The following ZNF652 variants were observed in gnomAD, a reference collection of about 807,000 sequenced individuals.
ZNF652 encodes the protein zinc finger protein 652.
A neutral mutation model predicts 45.2 loss-of-function variants in ZNF652; 16 were observed. That is an observed-to-expected ratio of 0.35 (90% CI 0.24 to 0.54). ZNF652 has a LOEUF of 0.54. Ranked by LOEUF, ZNF652 falls within the 20% of genes least tolerant of loss-of-function variation. The pLI, the probability that ZNF652 is intolerant of heterozygous loss-of-function variation, is 0.91. For synonymous variants in ZNF652, 250 were observed against 260.6 expected, an observed-to-expected ratio of 0.96 and a Z score of 0.39; for missense variants, 614 against 765.6, an observed-to-expected ratio of 0.80 and a Z score of 2.34.
chr17:49,302,060 T>A (rs531326189), intron 5 of ZNF652, among the ~76,000 whole-genome samples: 25 of 152,160 alleles, frequency 1.6e-4, no homozygotes, highest in African/African-American at 5.8e-4. Context: ...GAGACCAGCC[T>A]GGGCAACATG....
At chr17:49,307,675 A>G (rs1019333001) in intron 5 of ZNF652, among the ~76,000 whole-genome samples, 5 of 150,736 alleles carry the variant, frequency 3.3e-5, no homozygotes, top group African/African-American at 1.2e-4. Context: ...TCGCTTGAAC[A>G]TGGGAGGCAG....
At chr17:49,322,812 G>A (rs979419859) in intron 1 of ZNF652, among the ~76,000 whole-genome samples, 2 of 152,218 alleles carry the variant, frequency 1.3e-5, no homozygotes, top group Non-Finnish European at 2.9e-5. Flanking sequence ...GTGAACCTGG[G>A]AGGCGGAGTT....
chr17:49,289,486 G>C lies in ZNF652; in HGVS notation c.*8927C>G, dbSNP rs929790402. 1 of 152,192 alleles carries C rather than the reference G, an allele frequency of 6.6e-6. No homozygotes were observed. The highest frequency in any genetic ancestry group is 2.4e-5 in the African/African-American group (1 of 41,440). 9.4% of individuals were successfully genotyped at this position (152,192 alleles called of 1,614,324 possible). A position where few individuals can be genotyped will look rare whatever the true frequency, so the allele number is the denominator to read the frequency against. ...ATAATATCGGTATAGTTAACACAAG[G>C]GGGAAATCAGTACATTGAGGGATCT... On this transcript the variant is annotated 3_prime_UTR_variant, in exon 6 of 6. Coordinates refer to ENST00000430262, the MANE Select transcript of ZNF652 (RefSeq NM_001145365.3).
intron 1 of ZNF652, among the ~76,000 whole-genome samples, chr17:49,319,627 C>T (rs903270764): frequency 8.3e-6 from 1 of 120,506 alleles, no homozygotes; most frequent in African/African-American, 3.2e-5. Flanking sequence ...GCTAGCTAGA[C>T]TCTGTCTCAA....
In ZNF652 at chr17:49,296,235, A is replaced by C. The variant is rs1353318446; in HGVS notation, c.*2178T>G. ...CAAATATTAAAAATACCATTCTTTA[A>C]AACTTACATCCAAAACCAGGAAGTA... is the stretch of plus-strand genomic sequence containing the variant. On this transcript the variant is annotated 3_prime_UTR_variant, in exon 6 of 6. Transcript: ENST00000430262. The C allele has an allele frequency of 1.3e-5, 2 of 152,604 alleles. No individual in the cohort carries two copies. The highest frequency in any genetic ancestry group is 2.4e-5 in the African/African-American group (1 of 41,444). The allele number at this position is 152,604 out of a possible 1,614,324, so 9.5% of individuals were successfully genotyped here.
At chr17:49,338,145 ATT>A (rs772870388) in intron 1 of ZNF652, among the ~76,000 whole-genome samples, 29 of 142,384 alleles carry the variant, frequency 2.0e-4, no homozygotes, top group Non-Finnish European at 2.0e-4. Flanking sequence ...TGCCTGGCTA[ATT>A]TTTTTTTTTT....
At position 49,298,433 on chromosome 17, in the gene ZNF652, T is replaced by C. The variant is rs369474213; in HGVS notation, c.1801A>G (p.Ser601Gly). 2.5e-6 allele frequency: 4 copies of C among 1,612,822 alleles called. No homozygotes were observed. The highest frequency in any genetic ancestry group is 3.4e-6 in the Non-Finnish European group (4 of 1,180,034). The change falls in exon 6 of 6, where the codon AGT becomes GGT. Residue 601 changes from serine (S) to glycine (G), a missense_variant. Ser to Gly is a moderately conservative substitution (Grantham distance 56). This residue lies in a region of ZNF652 where 132 missense variants were observed against 137.2 expected (regional missense o/e 0.96). Coordinates refer to ENST00000430262, the MANE Select transcript of ZNF652 (RefSeq NM_001145365.3). ...GGATGTTAATGATGCTGTGCTGAAC[T>C]GTTCTTCTCTGCCAGGTGCCGCAGA... ...NFLRHLAEKN[S>G]SAQHH
In ZNF652 at chr17:49,298,278, G is replaced by A; in HGVS notation, c.*135C>T. On this transcript the variant is annotated 3_prime_UTR_variant, in exon 6 of 6. Coordinates refer to ENST00000430262, the MANE Select transcript of ZNF652 (RefSeq NM_001145365.3). ...TCTTGTTCATTCCCTTGGATCTGTT[G>A]ATTCAGTGACACTGGCGAAGCTCTT... 3 of 1,093,300 alleles carry A rather than the reference G, an allele frequency of 2.7e-6. No individual in the cohort carries two copies. In the East Asian group the frequency reaches 7.7e-5, roughly 28 times the overall value. 67.7% of individuals were successfully genotyped at this position (1,093,300 alleles called of 1,614,324 possible). A position where few individuals can be genotyped will look rare whatever the true frequency, so the allele number is the denominator to read the frequency against.
rs754756720 is a variant in ZNF652, at chr17:49,304,222, A to G, written c.1310-5298T>C. On this transcript the variant is annotated intron_variant, in intron 5 of 5. Coordinates refer to ENST00000430262, the MANE Select transcript of ZNF652 (RefSeq NM_001145365.3). ...GCCCTCATTTGTAGTCTTCTATACT[A>G]TAAGTGATTTGCCACAGAAAGACCA... 2.0e-5 allele frequency among the ~76,000 whole-genome samples: 3 copies of G among 152,094 alleles called. No individual in the cohort carries two copies. In the East Asian group the frequency reaches 5.8e-4, roughly 29 times the overall value.
In ZNF652 at chr17:49,297,787, A is replaced by C. The variant is rs763531223; in HGVS notation, c.*626T>G. The C allele has an allele frequency of 6.5e-6, 1 of 152,718 alleles. No individual in the cohort carries two copies. 9.5% of individuals were successfully genotyped at this position (152,718 alleles called of 1,614,324 possible). On this transcript the variant is annotated 3_prime_UTR_variant, in exon 6 of 6. Coordinates refer to ENST00000430262, the MANE Select transcript of ZNF652 (RefSeq NM_001145365.3). ...CTGAAAAAATTACACTGCTTATTGA[A>C]ATACATTTCATTTTAGAAACAGACT... is the stretch of plus-strand genomic sequence containing the variant.
chr17:49,324,036 T>G (rs1452869067), intron 1 of ZNF652, among the ~76,000 whole-genome samples: 2 of 152,220 alleles, frequency 1.3e-5, no homozygotes, highest in Admixed American at 1.3e-4. Flanking sequence ...GGCATTCACT[T>G]CTGTCAATGA....
rs112399704 is a variant in ZNF652 at position 49,304,451 on chromosome 17, T to C, written c.1310-5527A>G. On this transcript the variant is annotated intron_variant, in intron 5 of 5. Coordinates refer to ENST00000430262, the MANE Select transcript of ZNF652 (RefSeq NM_001145365.3). ...TCCTAAATGTGTTTAATGGTTGATA[T>C]TAAGGTTTCTCTGAAACCTCAAGTT... Among the ~76,000 whole-genome samples, 33 of 152,264 alleles carry C rather than the reference T, an allele frequency of 2.2e-4. No homozygotes were observed. The East Asian group carries it at 3.9e-3, about 18-fold the overall frequency.
intron 1 of ZNF652, among the ~76,000 whole-genome samples, chr17:49,353,357 G>C (rs950449395): frequency 6.6e-6 from 1 of 152,050 alleles, no homozygotes; most frequent in Non-Finnish European, 1.5e-5. Context: ...TTTTTGTAGA[G>C]AGAGGTCTGA....
chr17:49,346,156 GA>G (rs1269125878), intron 1 of ZNF652, among the ~76,000 whole-genome samples: 1 of 152,168 alleles, frequency 6.6e-6, no homozygotes, highest in Non-Finnish European at 1.5e-5. Flanking sequence ...AGTTTACTGG[GA>G]AAAGTCCTAG....
Position 49,297,509 on chromosome 17 carries a change from G to C in ZNF652, c.*904C>G, listed in dbSNP as rs1272546366. On this transcript the variant is annotated 3_prime_UTR_variant, in exon 6 of 6. Transcript: ENST00000430262. ...GAACATGGAGGACAGGAGCACATTAGGGAGCCTCTCTTGAGTGTTAAGCAG... is the reference window on the plus strand; with the variant it reads ...GAACATGGAGGACAGGAGCACATTACGGAGCCTCTCTTGAGTGTTAAGCAG... 1 of 152,460 alleles carries C rather than the reference G, an allele frequency of 6.6e-6. No homozygotes were observed. Among genetic ancestry groups the C allele is most frequent in the Non-Finnish European group, 1.5e-5 (1 of 68,038 alleles). 9.4% of individuals were successfully genotyped at this position (152,460 alleles called of 1,614,324 possible). A position where few individuals can be genotyped will look rare whatever the true frequency, so the allele number is the denominator to read the frequency against.
At chr17:49,323,568 A>G (rs1000968584) in intron 1 of ZNF652, among the ~76,000 whole-genome samples, 1 of 152,198 alleles carries the variant, frequency 6.6e-6, no homozygotes, top group Admixed American at 6.5e-5. Context: ...CTTTGCCCAG[A>G]CCCATCAGAG....
In ZNF652 at chr17:49,308,993, AAAG is replaced by A. The variant is rs1475145078; in HGVS notation, c.1309+2316_1309+2318del. 2.6e-5 allele frequency among the ~76,000 whole-genome samples: 4 copies of A among 152,138 alleles called. No individual in the cohort carries two copies. In the South Asian group the frequency reaches 8.3e-4, roughly 32 times the overall value. ...ACATTTAAGGGTCTAAAAAAATGACAAAGAAGAAGAAACAAAGAAATACAAGAG... is the reference window on the plus strand; with the variant it reads ...ACATTTAAGGGTCTAAAAAAATGACAAAGAAGAAACAAAGAAATACAAGAG... On this transcript the variant is annotated intron_variant, in intron 5 of 5. Coordinates refer to ENST00000430262, the MANE Select transcript of ZNF652 (RefSeq NM_001145365.3).
In ZNF652 at chr17:49,334,933, G is replaced by T. The variant is rs189540850; in HGVS notation, c.-258-16950C>A. ...CAGCCAGAATAAGCAAATAGAGACAGAAAGTAAATCGTCATTAACAGGAGC... is the reference window on the plus strand; with the variant it reads ...CAGCCAGAATAAGCAAATAGAGACATAAAGTAAATCGTCATTAACAGGAGC... On this transcript the variant is annotated intron_variant, in intron 1 of 5. Coordinates refer to ENST00000430262, the MANE Select transcript of ZNF652 (RefSeq NM_001145365.3). Among the ~76,000 whole-genome samples, 7 of 152,234 alleles carry T rather than the reference G, an allele frequency of 4.6e-5. No homozygotes were observed. The East Asian group carries it at 1.2e-3, about 25-fold the overall frequency.
intron 1 of ZNF652, among the ~76,000 whole-genome samples, chr17:49,350,541 CAAA>C (rs11349262): frequency 0.11 from 15,466 of 135,702 alleles, 883 homozygotes; most frequent in South Asian, 0.2. Context: ...GACTCCGCCT[CAAA>C]AAAAAAAAAA....
Sources: allele counts gnomAD v4.1 joint callset (sites outside exome capture counted in the v4.1 genomes callset), GRCh38; gene constraint gnomAD v4.1.1; regional missense constraint gnomAD v4.1.1; transcripts MANE v1.5; gene names NCBI Gene and HGNC (gene_info 2026-07-23, HGNC 2026-07-21).